TNFRSF10A: variants seen among roughly 807,000 people sequenced by gnomAD.
TNFRSF10A encodes the protein TNF receptor superfamily member 10a.
In TNFRSF10A, 44 loss-of-function variants were observed where a neutral mutation model predicts 42.8. That is an observed-to-expected ratio of 1.03 (90% CI 0.81 to 1.32). The LOEUF (loss-of-function observed/expected upper bound fraction) is 1.32, where lower values mean the gene tolerates loss of function less well. Among genes scored for constraint, TNFRSF10A ranks in the 40% most tolerant of loss-of-function variants. The pLI is 0.00. For missense variants in TNFRSF10A, 680 were observed against 602.0 expected, an observed-to-expected ratio of 1.13 and a Z score of -1.36; for synonymous variants, 259 against 234.2, an observed-to-expected ratio of 1.11 and a Z score of -0.97.
At chr8:23,201,740 T>C (rs1585281599) in intron 4 of TNFRSF10A, 68 bp downstream of exon 4, 2 of 1,387,620 alleles carry the variant, frequency 1.4e-6, no homozygotes, top group African/African-American at 3.0e-5. Flanking sequence ...GAGACTCGGG[T>C]CTTTTTAGGG....
At chr8:23,218,281 CCAGG>C (rs1458877754) in intron 1 of TNFRSF10A, among the ~76,000 whole-genome samples, 7 of 152,120 alleles carry the variant, frequency 4.6e-5, no homozygotes, top group Admixed American at 1.3e-4. Context: ...GAGTCATTCA[CCAGG>C]GGGTTTCCTT....
At chr8:23,199,484 C>A (rs1480631373) in intron 7 of TNFRSF10A, 36 bp from the exon 8 acceptor site, 7 of 1,597,046 alleles carry the variant, frequency 4.4e-6, no homozygotes, top group Non-Finnish European at 5.1e-6. Context: ...GAAGCCCACA[C>A]CCAGGGCTCC....
intron 2 of TNFRSF10A, among the ~76,000 whole-genome samples, chr8:23,208,950 A>G (rs1337055790): frequency 6.6e-6 from 1 of 152,224 alleles, no homozygotes; most frequent in Non-Finnish European, 1.5e-5. Context: ...AGAGGTCATC[A>G]TGGCAGCCCC....
chr8:23,211,489 G>A (rs1801091582), intron 2 of TNFRSF10A, among the ~76,000 whole-genome samples: 1 of 152,252 alleles, frequency 6.6e-6, no homozygotes, highest in Non-Finnish European at 1.5e-5. Flanking sequence ...CTGAGCAACA[G>A]GTGCAACACA....
chr8:23,210,395 T>G (rs989168772), intron 2 of TNFRSF10A, among the ~76,000 whole-genome samples: 6 of 151,988 alleles, frequency 3.9e-5, no homozygotes, highest in African/African-American at 1.2e-4. Flanking sequence ...ACAAAAAGAA[T>G]TATAGGCTGG....
At chr8:23,215,191 A>AT (rs11465050) in intron 1 of TNFRSF10A, among the ~76,000 whole-genome samples, 8,286 of 152,160 alleles carry the variant, frequency 0.054, 554 homozygotes, top group African/African-American at 0.16. Context: ...TAATTGGGAG[A>AT]TTTTTTAAAT....
chr8:23,199,735 T>C, intron 7 of TNFRSF10A, 151 bp downstream of exon 7: 2 of 1,107,648 alleles, frequency 1.8e-6, no homozygotes, highest in East Asian at 2.4e-5. Context: ...AAAGGGCCTG[T>C]GTCCCCCATA....
chr8:23,206,123 AT>A (rs1408738156), intron 2 of TNFRSF10A, among the ~76,000 whole-genome samples: 1 of 152,200 alleles, frequency 6.6e-6, no homozygotes, highest in East Asian at 1.9e-4. Flanking sequence ...AAGAAAGAAC[AT>A]TTTTTGTACA....
intron 1 of TNFRSF10A, among the ~76,000 whole-genome samples, chr8:23,213,749 C>T (rs1801133796): frequency 6.6e-6 from 1 of 151,704 alleles, no homozygotes; most frequent in African/African-American, 2.4e-5. Context: ...CAGCTGTTTG[C>T]TCTTCATTTT....
intron 8 of TNFRSF10A, 22 bp downstream of exon 8, chr8:23,199,244 G>C: frequency 6.2e-7 from 1 of 1,603,406 alleles, no homozygotes; most frequent in Middle Eastern, 1.7e-4. Flanking sequence ...CAAGGTCTTG[G>C]AGGGGCCTGT....
Position 23,207,421 on chromosome 8 carries a change from A to G in TNFRSF10A, c.404-4660T>C, listed in dbSNP as rs1221975561. On this transcript the variant is annotated intron_variant, in intron 2 of 9. Transcript: ENST00000221132. ...TACATGTATATGTTTTCACCAGAAAAACAAAGTTGAGGCCCAGATGCCTTT... is the reference window on the plus strand; with the variant it reads ...TACATGTATATGTTTTCACCAGAAAGACAAAGTTGAGGCCCAGATGCCTTT... 4 of 494,572 alleles carry G rather than the reference A, an allele frequency of 8.1e-6. No homozygotes were observed. The East Asian group carries it at 1.9e-4, about 24-fold the overall frequency. The allele number at this position is 494,572 out of a possible 1,614,324, so 30.6% of individuals were successfully genotyped here. A position where few individuals can be genotyped will look rare whatever the true frequency, so the allele number is the denominator to read the frequency against.
At chr8:23,208,617 G>A (rs1801051009) in intron 2 of TNFRSF10A, among the ~76,000 whole-genome samples, 1 of 151,894 alleles carries the variant, frequency 6.6e-6, no homozygotes, top group Non-Finnish European at 1.5e-5. Context: ...CACCATGCCT[G>A]GCTAATTTTT....
rs1800827630 is a variant in TNFRSF10A at position 23,196,602 on chromosome 8, A to C, written c.1087+530T>G. Reference sequence around the variant, plus strand: ...TCTCCTTGCCTACAGCACTCAATGAAAGTATTCTTCCTTGTCAATACTAAT... The same window carrying C: ...TCTCCTTGCCTACAGCACTCAATGACAGTATTCTTCCTTGTCAATACTAAT... On this transcript the variant is annotated intron_variant, in intron 9 of 9. Transcript: ENST00000221132. Among the ~76,000 whole-genome samples the C allele has an allele frequency of 2.6e-5, 4 of 152,164 alleles. No individual in the cohort carries two copies. In the South Asian group the frequency reaches 8.3e-4, roughly 32 times the overall value.
chr8:23,196,012 T>C (rs903062920), intron 9 of TNFRSF10A, among the ~76,000 whole-genome samples: 2 of 152,170 alleles, frequency 1.3e-5, no homozygotes, highest in African/African-American at 4.8e-5. Flanking sequence ...ACCCTTCTGT[T>C]CTTAAAGCTC....
chr8:23,200,656 G>A (rs1232507955), intron 5 of TNFRSF10A, 31 bp downstream of exon 5: 2 of 1,614,058 alleles, frequency 1.2e-6, no homozygotes, highest in Admixed American at 1.7e-5. Context: ...TGTCTCCTCT[G>A]CAGCTGGGGC....
Position 23,191,707 on chromosome 8 carries a change from A to G in TNFRSF10A, c.1394T>C (p.Val465Ala). The part of the protein sequence containing the change: ...IYLEDGTGSA[V>A]SLE ...AAAAAGAGTCTTTCACTCCAAGGACACGGCAGAGCCTGTGCCATCTTCTAA... is the reference window on the plus strand; with the variant it reads ...AAAAAGAGTCTTTCACTCCAAGGACGCGGCAGAGCCTGTGCCATCTTCTAA... Residue 465 changes from valine (V) to alanine (A), a missense_variant, in exon 10 of 10, where the codon GTG becomes GCG. By Grantham distance (64) the Val-to-Ala change is moderately conservative. Transcript: ENST00000221132. The G allele has an allele frequency of 6.2e-7, 1 of 1,613,626 alleles. No homozygotes were observed. Among genetic ancestry groups the G allele is most frequent in the South Asian group, 1.1e-5 (1 of 91,048 alleles).
intron 1 of TNFRSF10A, 74 bp from the exon 2 acceptor site, chr8:23,212,286 A>G (rs1801103313): frequency 7.5e-7 from 1 of 1,325,496 alleles, no homozygotes; most frequent in Non-Finnish European, 1.1e-6. Context: ...CTCACATTCC[A>G]TTCCCCCAAG....
chr8:23,199,561 A>G, intron 7 of TNFRSF10A, 113 bp from the exon 8 acceptor site: 1 of 1,325,090 alleles, frequency 7.5e-7, no homozygotes, highest in Non-Finnish European at 1.0e-6. Flanking sequence ...TCACTCCAGG[A>G]AGTCCATGCT....
intron 1 of TNFRSF10A, among the ~76,000 whole-genome samples, chr8:23,218,705 C>A (rs544714785): frequency 1.3e-5 from 2 of 152,268 alleles, no homozygotes; most frequent in Non-Finnish European, 1.5e-5. Flanking sequence ...GCACCAAATA[C>A]TCCCCTGGGA....
Sources: allele counts gnomAD v4.1 joint callset (sites outside exome capture counted in the v4.1 genomes callset), GRCh38; gene constraint gnomAD v4.1.1; transcripts MANE v1.5; gene names NCBI Gene and HGNC (gene_info 2026-07-23, HGNC 2026-07-21).